Variants in SLC35F3 observed in about 807,000 individuals in gnomAD.
The protein encoded by SLC35F3 is putative thiamine transporter SLC35F3.
SLC35F3 carries 25 observed loss-of-function variants against 49.9 expected under a neutral mutation model. That is an observed-to-expected ratio of 0.50 (90% CI 0.37 to 0.70). The LOEUF (loss-of-function observed/expected upper bound fraction) is 0.70. SLC35F3 is among the 30% of genes least tolerant of loss of function. SLC35F3 has a pLI of 0.00. For missense variants in SLC35F3, 525 were observed against 639.8 expected, an observed-to-expected ratio of 0.82 and a Z score of 1.94; for synonymous variants, 275 against 265.4, an observed-to-expected ratio of 1.04 and a Z score of -0.35.
chr1:234,203,815 T>A (rs1055667215), intron 2 of SLC35F3, among the ~76,000 whole-genome samples: 1 of 152,206 alleles, frequency 6.6e-6, no homozygotes, highest in Non-Finnish European at 1.5e-5. Flanking sequence ...TAACTCACTG[T>A]TGTTACTTAT....
chr1:233,939,220 G>A (rs1662383287), intron 2 of SLC35F3, among the ~76,000 whole-genome samples: 1 of 152,170 alleles, frequency 6.6e-6, no homozygotes, highest in African/African-American at 2.4e-5. Flanking sequence ...GGGAGGCCTG[G>A]GCAAGTGGAT....
intron 3 of SLC35F3, among the ~76,000 whole-genome samples, chr1:234,270,309 T>C (rs1406111039): frequency 6.6e-6 from 1 of 152,158 alleles, no homozygotes; most frequent in Non-Finnish European, 1.5e-5. Flanking sequence ...CAGTGAGTCA[T>C]AAAATCATCC....
chr1:233,917,271 A>G (rs4920228), intron 2 of SLC35F3, among the ~76,000 whole-genome samples: 81,704 of 151,906 alleles, frequency 0.54, 22,482 homozygotes, highest in East Asian at 0.74. Flanking sequence ...ACTCTATATT[A>G]TGTACATAAT....
At chr1:234,130,473 T>A (rs1371079885) in intron 2 of SLC35F3, among the ~76,000 whole-genome samples, 5 of 138,858 alleles carry the variant, frequency 3.6e-5, no homozygotes, top group African/African-American at 5.3e-5. Context: ...ACCCCGTCTC[T>A]AAAAAAAAAA....
At chr1:234,249,841 C>T (rs1352463840) in intron 3 of SLC35F3, among the ~76,000 whole-genome samples, 10 of 152,200 alleles carry the variant, frequency 6.6e-5, no homozygotes, top group Admixed American at 6.5e-4. Context: ...CTGCATCCCC[C>T]GAAGTGTGTT....
At chr1:233,998,336 A>G (rs1342135044) in intron 2 of SLC35F3, among the ~76,000 whole-genome samples, 1 of 152,090 alleles carries the variant, frequency 6.6e-6, no homozygotes, top group Non-Finnish European at 1.5e-5. Context: ...ATCTAATTAT[A>G]TAATTAATAT....
At chr1:234,184,284 T>A (rs1319056050) in intron 2 of SLC35F3, among the ~76,000 whole-genome samples, 2 of 152,226 alleles carry the variant, frequency 1.3e-5, no homozygotes, top group Non-Finnish European at 2.9e-5. Flanking sequence ...TAGGATCTTA[T>A]TAAAAATATT....
intron 2 of SLC35F3, among the ~76,000 whole-genome samples, chr1:234,082,624 A>G (rs1664895698): frequency 1.3e-5 from 2 of 152,176 alleles, no homozygotes; most frequent in Non-Finnish European, 1.5e-5. Context: ...ATGTTTTCAC[A>G]CTGCTGATGA....
intron 2 of SLC35F3, among the ~76,000 whole-genome samples, chr1:233,958,086 T>A (rs1031534821): frequency 2.0e-5 from 3 of 152,198 alleles, no homozygotes; most frequent in Non-Finnish European, 4.4e-5. Context: ...GAACTGCCAG[T>A]CCTCTTAGAG....
chr1:234,315,071 T>A (rs1657453941), intron 4 of SLC35F3, among the ~76,000 whole-genome samples: 2 of 152,192 alleles, frequency 1.3e-5, no homozygotes, highest in Admixed American at 1.3e-4. Context: ...ACATGTAGCA[T>A]TTGAATATGA....
intron 2 of SLC35F3, among the ~76,000 whole-genome samples, chr1:233,963,434 G>A (rs1388786723): frequency 1.3e-5 from 2 of 151,924 alleles, no homozygotes; most frequent in Non-Finnish European, 2.9e-5. Flanking sequence ...CCAAGTAGCT[G>A]GTACTACAGG....
At chr1:234,244,618 C>CT (rs57728116) in intron 3 of SLC35F3, among the ~76,000 whole-genome samples, 15,891 of 144,030 alleles carry the variant, frequency 0.11, 1,019 homozygotes, top group Non-Finnish European at 0.15. Context: ...TTGATTATCA[C>CT]TTTTTTTTTT....
intron 3 of SLC35F3, among the ~76,000 whole-genome samples, chr1:234,245,309 T>C (rs1667613762): frequency 6.6e-6 from 1 of 152,260 alleles, no homozygotes; most frequent in Non-Finnish European, 1.5e-5. Flanking sequence ...TCATTCCTTT[T>C]TACAGCGGAA....
chr1:234,209,210 G>A (rs912250646), intron 2 of SLC35F3, among the ~76,000 whole-genome samples: 2 of 152,156 alleles, frequency 1.3e-5, no homozygotes, highest in African/African-American at 4.8e-5. Flanking sequence ...TATGTCAGGG[G>A]TCTCAGCTCT....
intron 2 of SLC35F3, among the ~76,000 whole-genome samples, chr1:234,061,896 C>T (rs9435552): frequency 0.019 from 2,895 of 152,160 alleles, 99 homozygotes; most frequent in African/African-American, 0.066. Context: ...GGTTTCTTTT[C>T]GTTTTTTTGA....
intron 2 of SLC35F3, among the ~76,000 whole-genome samples, chr1:234,089,669 A>G (rs1471722817): frequency 6.6e-6 from 1 of 152,148 alleles, no homozygotes; most frequent in East Asian, 1.9e-4. Flanking sequence ...GCTTTTTAGA[A>G]GTTTCCACCT....
chr1:234,084,220 GACACACACAC>G (rs34569981), intron 2 of SLC35F3, among the ~76,000 whole-genome samples: 2 of 148,208 alleles, frequency 1.3e-5, no homozygotes, highest in South Asian at 2.2e-4. Context: ...ATAAGGAATA[GACACACACAC>G]ACACACACAC....
chr1:234,171,088 A>G (rs920318898), intron 2 of SLC35F3, among the ~76,000 whole-genome samples: 4 of 152,198 alleles, frequency 2.6e-5, no homozygotes, highest in East Asian at 3.8e-4. Flanking sequence ...GGGTTCCCCA[A>G]AGTTTGGTCC....
chr1:234,212,762 AG>A (rs1667062382), intron 2 of SLC35F3: 1 of 152,254 alleles, frequency 6.6e-6, no homozygotes, highest in South Asian at 2.1e-4. Context: ...TGAAACACAT[AG>A]AAGTATTATT....
Sources: allele counts gnomAD v4.1 joint callset (sites outside exome capture counted in the v4.1 genomes callset), GRCh38; gene constraint gnomAD v4.1.1; transcripts MANE v1.5; gene names NCBI Gene and HGNC (gene_info 2026-07-23, HGNC 2026-07-21).